Variants in MTMR10 observed in about 807,000 individuals in gnomAD.
MTMR10 encodes the protein myotubularin-related protein 10.
A neutral mutation model predicts 88.1 loss-of-function variants in MTMR10; 56 were observed. The ratio of observed to expected loss-of-function variants is 0.64; its 90% CI spans 0.51 to 0.79. The LOEUF (loss-of-function observed/expected upper bound fraction) is 0.79. MTMR10 is among the 30% of genes least tolerant of loss of function. MTMR10 has a pLI of 0.00. For missense variants in MTMR10, 883 were observed against 924.7 expected (o/e 0.95, Z 0.58); for synonymous variants, 380 against 340.9 (o/e 1.11, Z -1.26).
chr15:30,942,312 C>T (rs2063081903), intron 15 of MTMR10: 1 of 564,700 alleles, frequency 1.8e-6, no homozygotes, highest in Non-Finnish European at 3.1e-6. Context: ...ATGAGAGTAC[C>T]TCCTATCCAC....
chr15:30,926,840 A>G, the MTMR10 span: 1 of 985,078 alleles, frequency 1.0e-6, no homozygotes, highest in East Asian at 1.1e-4. Flanking sequence ...AGTAGAAACT[A>G]TTTTTCCCTG....
the MTMR10 span, among the ~76,000 whole-genome samples, chr15:30,932,879 A>C: frequency 7.2e-6 from 1 of 139,344 alleles, no homozygotes; most frequent in South Asian, 2.3e-4. Flanking sequence ...TGCCTGGATA[A>C]TTTTTTTTTT....
chr15:30,955,454 T>C (rs2063310934), intron 9 of MTMR10, among the ~76,000 whole-genome samples: 1 of 152,178 alleles, frequency 6.6e-6, no homozygotes, highest in South Asian at 2.1e-4. Context: ...GTATTTTTAG[T>C]AGAGGCGGGG....
At chr15:30,919,515 A>C in the MTMR10 span, among the ~76,000 whole-genome samples, 2 of 151,718 alleles carry the variant, frequency 1.3e-5, no homozygotes, top group African/African-American at 2.4e-5. Flanking sequence ...ACATGGTGAA[A>C]CCTCGTCTCT....
chr15:30,990,596 A>G (rs2141081424), intron 2 of MTMR10, among the ~76,000 whole-genome samples, 181 bp downstream of exon 2: 1 of 152,368 alleles, frequency 6.6e-6, no homozygotes, highest in South Asian at 2.1e-4. Context: ...TCGGGAGACA[A>G]AAAAGGAAAT....
At chr15:30,931,590 G>A in the MTMR10 span, among the ~76,000 whole-genome samples, 1 of 152,132 alleles carries the variant, frequency 6.6e-6, no homozygotes, top group African/African-American at 2.4e-5. Flanking sequence ...CATTTGAGAC[G>A]CCATTTGTAT....
the MTMR10 span, chr15:30,922,480 C>A: frequency 2.0e-6 from 2 of 1,012,654 alleles, no homozygotes; most frequent in Non-Finnish European, 2.9e-6. Context: ...TAACATTCTT[C>A]TTTTGTCTGT....
intron 14 of MTMR10, among the ~76,000 whole-genome samples, chr15:30,944,292 A>G (rs1161602284): frequency 6.6e-6 from 1 of 152,176 alleles, no homozygotes; most frequent in Non-Finnish European, 1.5e-5. Context: ...GGCCAGGCGC[A>G]GTGGTGACTC....
Position 30,991,620 on chromosome 15 carries a change from G to A in MTMR10, c.-114C>T, listed in dbSNP as rs1259305142. The A allele has an allele frequency of 3.1e-6, 4 of 1,303,178 alleles. No individual in the cohort carries two copies. Among genetic ancestry groups the A allele is most frequent in the Admixed American group, 7.6e-5 (2 of 26,322 alleles). 80.7% of individuals were successfully genotyped at this position (1,303,178 alleles called of 1,614,324 possible). A position where few individuals can be genotyped will look rare whatever the true frequency, so the allele number is the denominator to read the frequency against. On this transcript the variant is annotated 5_prime_UTR_variant, in exon 1 of 16. Transcript: ENST00000435680. The stretch of plus-strand genomic sequence containing the variant: ...GGCCCTTTCTGCGGCCAGCCGAGCC[G>A]GGCGGACTGACGGGCGGGGATACGG...
chr15:30,943,716 T>TATCTGGCTTCCCACCACAGTA (rs1274039403), intron 14 of MTMR10: 98 of 985,464 alleles, frequency 9.9e-5, no homozygotes, highest in Non-Finnish European at 1.2e-4. Context: ...GCAGCCTAGT[T>TATCTGGCTTCCCACCACAGTA]ATCTGGCTTC....
chr15:30,956,149 T>C (rs1023283315), intron 9 of MTMR10: 1 of 152,228 alleles, frequency 6.6e-6, no homozygotes, highest in Non-Finnish European at 1.5e-5. Context: ...TTTATGTGTA[T>C]GGAATTTAAT....
At chr15:30,968,839 A>G (rs1200983405) in intron 5 of MTMR10, among the ~76,000 whole-genome samples, 1 of 152,162 alleles carries the variant, frequency 6.6e-6, no homozygotes, top group Non-Finnish European at 1.5e-5. Flanking sequence ...TATGGCTGTT[A>G]TTATTCTCAA....
chr15:30,937,055 C>A, downstream of MTMR10: 1 of 1,409,524 alleles, frequency 7.1e-7, no homozygotes, highest in South Asian at 1.3e-5. Flanking sequence ...ACAACTACAA[C>A]TTACTTGAAT....
Position 30,945,313 on chromosome 15 carries a change from GA to G in MTMR10, c.1548+1816del, listed in dbSNP as rs538566278. Among the ~76,000 whole-genome samples the G allele has an allele frequency of 8.3e-3, 1,266 of 152,286 alleles. 7 individuals carry two copies. Among genetic ancestry groups the G allele is most frequent in the Non-Finnish European group, 0.014 (941 of 68,030 alleles). On this transcript the variant is annotated intron_variant, in intron 14 of 15. Transcript: ENST00000435680. Reference sequence around the variant, plus strand: ...CAAATTAAAAAGAGCACTAGAACATGAACAGGGAAAGCAGAGGAAATACTTG... The same window carrying G: ...CAAATTAAAAAGAGCACTAGAACATGACAGGGAAAGCAGAGGAAATACTTG...
chr15:30,984,295 G>A lies in MTMR10; in HGVS notation c.121+6482C>T, dbSNP rs111938015. Among the ~76,000 whole-genome samples, 1,250 of 152,290 alleles carry A rather than the reference G, an allele frequency of 8.2e-3. 15 individuals carry two copies. The highest frequency in any genetic ancestry group is 0.028 in the African/African-American group (1,184 of 41,552). On this transcript the variant is annotated intron_variant, in intron 2 of 15. Coordinates refer to ENST00000435680, the MANE Select transcript of MTMR10 (RefSeq NM_017762.3). ...CTAAGGTACTGCAGCAAAAGCCTAAGGAATGGACAGCTCCAAACATTCCTA... is the reference window on the plus strand; with the variant it reads ...CTAAGGTACTGCAGCAAAAGCCTAAAGAATGGACAGCTCCAAACATTCCTA...
Position 30,953,542 on chromosome 15 carries a change from G to C in MTMR10, c.1136+20C>G, listed in dbSNP as rs2063280312. ...CTCAAAATAAAAAGTTAAAGGAAAA[G>C]AAAGTAAAGAAGTACAAACCTTACA... On this transcript the variant is annotated intron_variant, in intron 11 of 15. Coordinates refer to ENST00000435680, the MANE Select transcript of MTMR10 (RefSeq NM_017762.3). The C allele has an allele frequency of 6.6e-7, 1 of 1,504,990 alleles. No homozygotes were observed. The highest frequency in any genetic ancestry group is 1.4e-5 in the African/African-American group (1 of 71,226). The allele number at this position is 1,504,990 out of a possible 1,614,324, so 93.2% of individuals were successfully genotyped here.
chr15:30,944,665 A>G (rs2063142976), intron 14 of MTMR10, among the ~76,000 whole-genome samples: 1 of 152,156 alleles, frequency 6.6e-6, no homozygotes, highest in Non-Finnish European at 1.5e-5. Flanking sequence ...GCTGAAATCT[A>G]GTAAAACATG....
intron 5 of MTMR10, among the ~76,000 whole-genome samples, chr15:30,973,498 T>C (rs188389096): frequency 6.6e-6 from 1 of 152,146 alleles, no homozygotes; most frequent in Admixed American, 6.6e-5. Flanking sequence ...CTGCAGTCAG[T>C]TGACTAACCA....
chr15:30,945,935 C>T (rs897382758), intron 14 of MTMR10, among the ~76,000 whole-genome samples: 14 of 152,174 alleles, frequency 9.2e-5, no homozygotes, highest in African/African-American at 1.4e-4. Flanking sequence ...ACCACAGGTG[C>T]GCACCACCAT....
Sources: allele counts gnomAD v4.1 joint callset (sites outside exome capture counted in the v4.1 genomes callset), GRCh38; gene constraint gnomAD v4.1.1; transcripts MANE v1.5; gene names NCBI Gene and HGNC (gene_info 2026-07-23, HGNC 2026-07-21).